The following LGSN variants were observed in gnomAD, a reference collection of about 807,000 sequenced individuals.
The protein encoded by LGSN is lengsin.
In LGSN, 21 loss-of-function variants were observed where a neutral mutation model predicts 19.5. The observed-to-expected ratio is 1.07, with a 90% CI of 0.76 to 1.55. The LOEUF (loss-of-function observed/expected upper bound fraction) is 1.55. Among genes scored for constraint, LGSN ranks in the 40% most tolerant of loss-of-function variants. The pLI is 0.00. For synonymous variants in LGSN, 257 were observed against 215.6 expected, an observed-to-expected ratio of 1.19 and a Z score of -1.68; for missense variants, 673 against 608.5, an observed-to-expected ratio of 1.11 and a Z score of -1.12.
the LGSN span, among the ~76,000 whole-genome samples, chr6:63,477,802 G>C: frequency 7.6e-5 from 11 of 144,518 alleles, no homozygotes; most frequent in Non-Finnish European, 1.6e-4. Context: ...TCAAAGTGCT[G>C]GGATTACAGA....
the LGSN span, among the ~76,000 whole-genome samples, chr6:63,399,191 T>C: frequency 6.6e-6 from 1 of 152,128 alleles, no homozygotes; most frequent in Non-Finnish European, 1.5e-5. Flanking sequence ...TGTCTTACCA[T>C]TGCCTACAGT....
the LGSN span, among the ~76,000 whole-genome samples, chr6:63,356,245 T>A: frequency 1.3e-5 from 2 of 151,906 alleles, no homozygotes; most frequent in African/African-American, 2.4e-5. Context: ...TTTAAAAAAA[T>A]AATAATAAAG....
chr6:63,337,340 G>A, the LGSN span, among the ~76,000 whole-genome samples: 2 of 151,878 alleles, frequency 1.3e-5, no homozygotes, highest in African/African-American at 4.8e-5. Context: ...GCATAGGGCT[G>A]TAATCCCGTT....
the LGSN span, among the ~76,000 whole-genome samples, chr6:63,485,875 C>T: frequency 2.5e-4 from 38 of 152,088 alleles, no homozygotes; most frequent in Non-Finnish European, 4.6e-4. Context: ...ACTATGGACA[C>T]GCACCACCAT....
chr6:63,338,792 A>C, the LGSN span, among the ~76,000 whole-genome samples: 3 of 151,786 alleles, frequency 2.0e-5, no homozygotes, highest in Admixed American at 2.0e-4. Context: ...TTCTATTGTA[A>C]TGTCAGCATT....
At chr6:63,380,993 T>C in the LGSN span, among the ~76,000 whole-genome samples, 4 of 152,096 alleles carry the variant, frequency 2.6e-5, no homozygotes, top group African/African-American at 9.7e-5. Context: ...GCCCAGGAGT[T>C]TGAGATCAGC....
chr6:63,351,216 C>T, the LGSN span, among the ~76,000 whole-genome samples: 1 of 152,124 alleles, frequency 6.6e-6, no homozygotes, highest in South Asian at 2.1e-4. Context: ...ACCAAAGCTA[C>T]CAGTGTCTTG....
At chr6:63,407,308 G>C in the LGSN span, among the ~76,000 whole-genome samples, 3 of 151,958 alleles carry the variant, frequency 2.0e-5, no homozygotes, top group African/African-American at 7.3e-5. Context: ...AAATCCAGCA[G>C]CACATCAAAA....
At chr6:63,393,238 G>GCA in the LGSN span, among the ~76,000 whole-genome samples, 1 of 150,916 alleles carries the variant, frequency 6.6e-6, no homozygotes, top group South Asian at 2.1e-4. Flanking sequence ...CTGGATCTTG[G>GCA]CACACTGCAA....
chr6:63,429,713 T>A, the LGSN span, among the ~76,000 whole-genome samples: 1 of 139,224 alleles, frequency 7.2e-6, no homozygotes, highest in Non-Finnish European at 1.5e-5. Context: ...CTGAACTCCA[T>A]GGACAGAGCA....
At chr6:63,470,859 T>C in the LGSN span, among the ~76,000 whole-genome samples, 2 of 151,874 alleles carry the variant, frequency 1.3e-5, no homozygotes, top group Non-Finnish European at 2.9e-5. Context: ...GAGAAAATTC[T>C]CTGAGAAGGG....
At chr6:63,454,562 T>A in the LGSN span, among the ~76,000 whole-genome samples, 2 of 137,312 alleles carry the variant, frequency 1.5e-5, no homozygotes, top group East Asian at 4.8e-4. Context: ...AACCTCCGCC[T>A]CCCGGGTTCA....
chr6:63,486,827 T>TTAG, the LGSN span, among the ~76,000 whole-genome samples: 4 of 129,646 alleles, frequency 3.1e-5, no homozygotes, highest in Admixed American at 2.9e-4. Flanking sequence ...TATTTTATTA[T>TTAG]TATTATTATT....
chr6:63,479,115 T>G, the LGSN span, among the ~76,000 whole-genome samples: 1 of 152,210 alleles, frequency 6.6e-6, no homozygotes, highest in Non-Finnish European at 1.5e-5. Context: ...CTTAACTGGT[T>G]AGATTAGACA....
chr6:63,548,809 G>A, the LGSN span: 169 of 738,354 alleles, frequency 2.3e-4, 1 homozygote, highest in Admixed American at 4.2e-4. Flanking sequence ...CAGTGACGGC[G>A]GATCTCATTG....
the LGSN span, among the ~76,000 whole-genome samples, chr6:63,412,193 C>A: frequency 4.0e-5 from 6 of 151,786 alleles, no homozygotes; most frequent in African/African-American, 1.5e-4. Context: ...ACGGCAAAAC[C>A]CTGTGTCTTC....
chr6:63,486,065 A>G, the LGSN span, among the ~76,000 whole-genome samples: 1 of 152,098 alleles, frequency 6.6e-6, no homozygotes, highest in Admixed American at 6.6e-5. Flanking sequence ...GGATCTCCTA[A>G]TCAAAATAGT....
chr6:63,325,103 CAAAAAAAAAAA>C, the LGSN span, among the ~76,000 whole-genome samples: 282 of 65,272 alleles, frequency 4.3e-3, 1 homozygote, highest in Middle Eastern at 0.028. Flanking sequence ...AACTCTGTCT[CAAAAAAAAAAA>C]AAAAAAAAAG....
At chr6:63,386,678 A>G in the LGSN span, among the ~76,000 whole-genome samples, 2 of 152,218 alleles carry the variant, frequency 1.3e-5, no homozygotes, top group Non-Finnish European at 2.9e-5. Context: ...GAAGTTCAAC[A>G]AAAGAACCCA....
Sources: gnomAD v4.1 joint callset for allele counts (sites outside exome capture counted in the v4.1 genomes callset) on GRCh38, gnomAD v4.1.1 for gene constraint, MANE v1.5 for transcripts, NCBI Gene and HGNC (gene_info 2026-07-23, HGNC 2026-07-21) for gene names.